GRIK2: variants seen among roughly 807,000 people sequenced by gnomAD.
GRIK2 encodes glutamate receptor ionotropic, kainate 2.
GRIK2 carries 32 observed loss-of-function variants against 100.3 expected under a neutral mutation model. That is an observed-to-expected ratio of 0.32 (90% CI 0.24 to 0.43). The LOEUF (loss-of-function observed/expected upper bound fraction) is 0.43, where lower values mean the gene tolerates loss of function less well. GRIK2 is among the 20% of genes least tolerant of loss of function. The pLI, the probability that GRIK2 is intolerant of heterozygous loss-of-function variation, is 1.00. For missense variants in GRIK2, 843 were observed against 1,114.9 expected (o/e 0.76, Z 3.47); for synonymous variants, 417 against 389.4 (o/e 1.07, Z -0.83).
chr6:102,024,241 CAG>C (rs1769576249), intron 14 of GRIK2, among the ~76,000 whole-genome samples: 1 of 150,814 alleles, frequency 6.6e-6, no homozygotes, highest in Non-Finnish European at 1.5e-5. Flanking sequence ...GAAAGAGAAA[CAG>C]AGGTAGGCTG....
At chr6:101,743,677 T>C (rs1776191409) in intron 7 of GRIK2, among the ~76,000 whole-genome samples, 1 of 152,122 alleles carries the variant, frequency 6.6e-6, no homozygotes, top group South Asian at 2.1e-4. Flanking sequence ...ACCCTCAATT[T>C]CATTCATGAT....
At chr6:102,009,683 G>T (rs568142297) in intron 14 of GRIK2, among the ~76,000 whole-genome samples, 1 of 152,170 alleles carries the variant, frequency 6.6e-6, no homozygotes, top group South Asian at 2.1e-4. Context: ...GTTTACTCTT[G>T]CCTATACCTG....
chr6:102,012,285 TCTTA>T (rs1433167256), intron 14 of GRIK2, among the ~76,000 whole-genome samples: 2 of 152,178 alleles, frequency 1.3e-5, no homozygotes, highest in African/African-American at 2.4e-5. Flanking sequence ...GTGTCAGCCC[TCTTA>T]CTTTGTTCTT....
chr6:101,812,157 A>T (rs537271411), intron 9 of GRIK2, among the ~76,000 whole-genome samples: 1 of 151,710 alleles, frequency 6.6e-6, no homozygotes. Context: ...AAACATGAAG[A>T]TAAAATATGG....
At chr6:101,757,263 A>G (rs1322937411) in intron 7 of GRIK2, among the ~76,000 whole-genome samples, 1 of 152,214 alleles carries the variant, frequency 6.6e-6, no homozygotes, top group Non-Finnish European at 1.5e-5. Context: ...CATTTTACAA[A>G]TAAATCAATT....
intron 2 of GRIK2, among the ~76,000 whole-genome samples, chr6:101,459,909 C>T (rs955914868): frequency 6.6e-6 from 1 of 152,080 alleles, no homozygotes; most frequent in African/African-American, 2.4e-5. Flanking sequence ...GCGCCCACCA[C>T]CACGCCCAGC....
intron 4 of GRIK2, among the ~76,000 whole-genome samples, chr6:101,661,139 G>T (rs1769580421): frequency 6.6e-6 from 1 of 152,144 alleles, no homozygotes; most frequent in Admixed American, 6.5e-5. Context: ...AGCCCTGACT[G>T]GGGCTGCTGC....
At chr6:101,492,037 T>A (rs1242607086) in intron 2 of GRIK2, among the ~76,000 whole-genome samples, 1 of 151,944 alleles carries the variant, frequency 6.6e-6, no homozygotes, top group Non-Finnish European at 1.5e-5. Flanking sequence ...GTAGCAGTAT[T>A]AGTAAGGCTA....
chr6:101,609,314 A>C (rs1266537615), intron 2 of GRIK2, among the ~76,000 whole-genome samples: 2 of 151,868 alleles, frequency 1.3e-5, no homozygotes, highest in African/African-American at 4.8e-5. Flanking sequence ...TCAATTTCAC[A>C]GGAAAAAAAT....
At chr6:101,815,775 G>GT (rs1399187513) in intron 9 of GRIK2, among the ~76,000 whole-genome samples, 2 of 152,118 alleles carry the variant, frequency 1.3e-5, no homozygotes, top group Non-Finnish European at 2.9e-5. Flanking sequence ...ATGGAAGAAA[G>GT]TTTTGAATCA....
chr6:101,618,770 A>C (rs1201906752), intron 2 of GRIK2, among the ~76,000 whole-genome samples: 1 of 151,600 alleles, frequency 6.6e-6, no homozygotes, highest in Non-Finnish European at 1.5e-5. Context: ...ATATTTGGCA[A>C]AACACATTTG....
intron 2 of GRIK2, among the ~76,000 whole-genome samples, chr6:101,420,129 A>C (rs1332955561): frequency 6.6e-6 from 1 of 152,208 alleles, no homozygotes; most frequent in African/African-American, 2.4e-5. Context: ...TATATTATCC[A>C]ATCCTCAGAG....
At chr6:101,756,245 A>G (rs1777127894) in intron 7 of GRIK2, among the ~76,000 whole-genome samples, 1 of 152,210 alleles carries the variant, frequency 6.6e-6, no homozygotes, top group Non-Finnish European at 1.5e-5. Flanking sequence ...AGAGTCAAGA[A>G]CAAACACACA....
chr6:101,429,012 C>T (rs1386618365), intron 2 of GRIK2, among the ~76,000 whole-genome samples: 1 of 152,208 alleles, frequency 6.6e-6, no homozygotes, highest in African/African-American at 2.4e-5. Context: ...TTAACTACAA[C>T]TTTAAAATGC....
intron 8 of GRIK2, 135 bp from the exon 9 acceptor site, chr6:101,802,196 G>A: frequency 2.4e-6 from 1 of 416,726 alleles, no homozygotes. Flanking sequence ...AATTTCAGAA[G>A]AAAATTAAAA....
intron 11 of GRIK2, among the ~76,000 whole-genome samples, chr6:101,863,919 TGAG>T (rs1230549322): frequency 1.3e-5 from 2 of 151,264 alleles, no homozygotes; most frequent in South Asian, 2.1e-4. Context: ...GGGTGGATCA[TGAG>T]GTCAGGAGAT....
At chr6:101,801,355 A>G (rs1487506404) in intron 8 of GRIK2, among the ~76,000 whole-genome samples, 3 of 152,054 alleles carry the variant, frequency 2.0e-5, no homozygotes, top group Non-Finnish European at 4.4e-5. Flanking sequence ...TAGCAAAGAC[A>G]TGTTGCAATA....
chr6:101,891,153 T>C (rs1208281156), intron 12 of GRIK2, among the ~76,000 whole-genome samples: 1 of 151,308 alleles, frequency 6.6e-6, no homozygotes, highest in Non-Finnish European at 1.5e-5. Flanking sequence ...TCCAATGAAG[T>C]AATGTATTTT....
At chr6:102,012,072 C>T (rs997556502) in intron 14 of GRIK2, among the ~76,000 whole-genome samples, 44 of 151,972 alleles carry the variant, frequency 2.9e-4, no homozygotes, top group African/African-American at 1.0e-3. Flanking sequence ...TGTCTAGATT[C>T]ATTTTTCTTT....
Sources: allele counts gnomAD v4.1 joint callset (sites outside exome capture counted in the v4.1 genomes callset), GRCh38; gene constraint gnomAD v4.1.1; transcripts MANE v1.5; gene names NCBI Gene and HGNC (gene_info 2026-07-23, HGNC 2026-07-21).